PTK2: variants seen among roughly 807,000 people sequenced by gnomAD.
PTK2 encodes the protein focal adhesion kinase 1.
Under a neutral mutation model 150.1 loss-of-function variants are expected in PTK2, and 45 were observed. That is an observed-to-expected ratio of 0.30 (90% CI 0.24 to 0.38). The LOEUF (loss-of-function observed/expected upper bound fraction) is 0.38. PTK2 is among the 10% of genes least tolerant of loss of function. The pLI is 1.00. For missense variants in PTK2, 919 were observed against 1,307.3 expected (o/e 0.70, Z 4.58); for synonymous variants, 432 against 449.2 (o/e 0.96, Z 0.48).
intron 31 of PTK2, among the ~76,000 whole-genome samples, chr8:140,662,174 G>A (rs1004239565): frequency 2.0e-5 from 3 of 152,050 alleles, no homozygotes; most frequent in Non-Finnish European, 2.9e-5. Flanking sequence ...GTATACAACT[G>A]TAATCCCAGC....
chr8:140,700,071 C>T (rs184741090), intron 26 of PTK2, among the ~76,000 whole-genome samples: 3 of 152,302 alleles, frequency 2.0e-5, no homozygotes, highest in Admixed American at 1.3e-4. Context: ...CATTCTGCTG[C>T]AGAAACACTA....
chr8:140,997,468 A>G (rs1020706645), intron 1 of PTK2, among the ~76,000 whole-genome samples: 1 of 152,266 alleles, frequency 6.6e-6, no homozygotes, highest in African/African-American at 2.4e-5. Flanking sequence ...TGAAAGAACG[A>G]GCCAACTGAT....
At chr8:140,668,570 A>AT (rs1414669306) in intron 29 of PTK2, 146 bp from the exon 34 acceptor site, 1 of 879,544 alleles carries the variant, frequency 1.1e-6, no homozygotes, top group East Asian at 2.7e-5. Flanking sequence ...TATAGTTCAG[A>AT]TTGAGAATGA....
chr8:140,730,064 AC>A (rs1319438042), intron 22 of PTK2, among the ~76,000 whole-genome samples: 2 of 152,236 alleles, frequency 1.3e-5, no homozygotes, highest in Non-Finnish European at 2.9e-5. Context: ...GAGGATGGAG[AC>A]TTGCTATCAA....
chr8:140,790,852 T>C (rs1371674633), intron 13 of PTK2, among the ~76,000 whole-genome samples: 1 of 152,230 alleles, frequency 6.6e-6, no homozygotes, highest in Non-Finnish European at 1.5e-5. Context: ...CTATATTTAT[T>C]GGGCAGTCAG....
intron 31 of PTK2, 147 bp from the exon 36 acceptor site, chr8:140,659,825 G>T: frequency 7.2e-6 from 5 of 698,618 alleles, no homozygotes; most frequent in Non-Finnish European, 9.4e-6. Context: ...CACTAGCTGG[G>T]AACACAGGCA....
intron 5 of PTK2, among the ~76,000 whole-genome samples, chr8:140,858,380 GA>G (rs2100134032): frequency 6.7e-6 from 1 of 149,612 alleles, no homozygotes; most frequent in South Asian, 2.1e-4. Context: ...AAAACGACAT[GA>G]CCCCCTAGAG....
At chr8:140,959,174 AAAGGG>A (rs61649673) in intron 1 of PTK2, among the ~76,000 whole-genome samples, 63,059 of 151,594 alleles carry the variant, frequency 0.42, 14,982 homozygotes, top group Non-Finnish European at 0.55. Flanking sequence ...AGATGATGGA[AAAGGG>A]AGTAAAAGGC....
intron 1 of PTK2, among the ~76,000 whole-genome samples, chr8:140,957,335 G>A (rs1029877287): frequency 1.3e-5 from 2 of 152,230 alleles, no homozygotes. Flanking sequence ...AGCTGAGGTG[G>A]GAGGATCACT....
At position 140,715,155 on chromosome 8, in the gene PTK2, GTTTTTTTTTTTTTTTTTTTT is replaced by G. The variant is rs67306225; in HGVS notation, c.2142+2423_2142+2442del. 1.4e-3 allele frequency among the ~76,000 whole-genome samples: 76 copies of G among 56,016 alleles called. 2 individuals are homozygous for G. In the East Asian group the frequency reaches 0.047, roughly 35 times the overall value. The allele number at this position is 56,016 out of a possible 152,430, so 36.7% of individuals were successfully genotyped here. A position where few individuals can be genotyped will look rare whatever the true frequency, so the allele number is the denominator to read the frequency against. On this transcript the variant is annotated intron_variant, in intron 23 of 31. Coordinates refer to ENST00000522684, the Ensembl canonical transcript of PTK2. The stretch of plus-strand genomic sequence containing the variant: ...AGATGATTTTCTAGCCATTAAAACC[GTTTTTTTTTTTTTTTTTTTT>G]TTTTTTTTTTTTTTTTTGAGAGAGT...
At chr8:140,795,234 AC>A (rs1228890780) in intron 12 of PTK2, among the ~76,000 whole-genome samples, 3 of 152,130 alleles carry the variant, frequency 2.0e-5, no homozygotes, top group Non-Finnish European at 2.9e-5. Context: ...TAGAACATAA[AC>A]CAGATCACAT....
intron 24 of PTK2, 70 bp from the exon 28 acceptor site, chr8:140,702,777 G>A (rs1036879537): frequency 6.7e-6 from 10 of 1,496,056 alleles, no homozygotes; most frequent in Non-Finnish European, 9.1e-6. Context: ...CACACACAAA[G>A]GAAACTAAAA....
At chr8:140,665,041 G>T in intron 30 of PTK2, 44 bp from the exon 35 acceptor site, 3 of 1,511,072 alleles carry the variant, frequency 2.0e-6, no homozygotes, top group Non-Finnish European at 1.8e-6. Flanking sequence ...ACACACAAAG[G>T]ATTTTTATGC....
intron 10 of PTK2, among the ~76,000 whole-genome samples, chr8:140,808,733 GT>G (rs57600032): frequency 0.046 from 5,302 of 116,492 alleles, 46 homozygotes; most frequent in East Asian, 0.065. Flanking sequence ...TTTTGTTCTT[GT>G]TTTTTTTTTT....
chr8:140,953,271 C>T (rs890087237), intron 1 of PTK2, among the ~76,000 whole-genome samples: 2 of 152,112 alleles, frequency 1.3e-5, no homozygotes, highest in Admixed American at 6.5e-5. Context: ...TACATACCTA[C>T]AATAAGGTTT....
intron 2 of PTK2, among the ~76,000 whole-genome samples, chr8:140,908,621 C>A (rs13264974): frequency 0.42 from 63,364 of 151,978 alleles, 15,137 homozygotes; most frequent in Non-Finnish European, 0.55. Context: ...TCCCATTCTG[C>A]AAATCCTAAG....
At chr8:140,780,067 T>C (rs1039489075) in intron 14 of PTK2, among the ~76,000 whole-genome samples, 2 of 152,150 alleles carry the variant, frequency 1.3e-5, no homozygotes, top group African/African-American at 2.4e-5. Flanking sequence ...TTTTAAAAAC[T>C]GGTAAATAAA....
At chr8:140,978,361 C>G (rs1489191503) in intron 1 of PTK2, among the ~76,000 whole-genome samples, 1 of 152,178 alleles carries the variant, frequency 6.6e-6, no homozygotes, top group Non-Finnish European at 1.5e-5. Flanking sequence ...ATCTACTCAT[C>G]TGACAAAGGG....
intron 22 of PTK2, chr8:140,732,530 G>C (rs770880052): frequency 5.7e-6 from 3 of 525,780 alleles, no homozygotes; most frequent in Non-Finnish European, 7.8e-6. Context: ...TATCTAGCTA[G>C]CTAGGCTACT....
Sources: allele counts gnomAD v4.1 joint callset (sites outside exome capture counted in the v4.1 genomes callset), GRCh38; gene constraint gnomAD v4.1.1; transcripts MANE v1.5; gene names NCBI Gene and HGNC (gene_info 2026-07-23, HGNC 2026-07-21).